Variants in ENTHD1 observed in about 807,000 individuals in gnomAD.
ENTHD1 encodes ENTH domain-containing protein 1.
Under a neutral mutation model 39.1 loss-of-function variants are expected in ENTHD1, and 23 were observed. That is an observed-to-expected ratio of 0.59 (90% CI 0.42 to 0.83). The LOEUF (loss-of-function observed/expected upper bound fraction) is 0.83, where lower values mean the gene tolerates loss of function less well. ENTHD1 is among the 40% of genes least tolerant of loss of function. ENTHD1 has a pLI of 0.00. For synonymous variants in ENTHD1, 230 were observed against 258.2 expected, an observed-to-expected ratio of 0.89 and a Z score of 1.05; for missense variants, 624 against 705.4, an observed-to-expected ratio of 0.88 and a Z score of 1.31.
At chr22:39,870,699 G>A (rs2066235026) in intron 2 of ENTHD1, among the ~76,000 whole-genome samples, 1 of 152,142 alleles carries the variant, frequency 6.6e-6, no homozygotes, top group South Asian at 2.1e-4. Flanking sequence ...AGCAAATGCT[G>A]ATTTCCCACT....
chr22:39,850,340 G>A (rs2066025041), intron 3 of ENTHD1, among the ~76,000 whole-genome samples: 1 of 152,058 alleles, frequency 6.6e-6, no homozygotes, highest in Non-Finnish European at 1.5e-5. Context: ...TGGCTTTAAA[G>A]TCTCCTTTGC....
At chr22:39,819,505 C>T (rs570385646) in intron 5 of ENTHD1, among the ~76,000 whole-genome samples, 1 of 151,768 alleles carries the variant, frequency 6.6e-6, no homozygotes, top group South Asian at 2.1e-4. Context: ...ATCATACATA[C>T]CATCTGATTC....
intron 2 of ENTHD1, among the ~76,000 whole-genome samples, chr22:39,883,003 C>CAAAAAAA (rs58964198): frequency 7.3e-4 from 35 of 48,226 alleles, no homozygotes; most frequent in Non-Finnish European, 1.0e-3. Flanking sequence ...GACTTCATCT[C>CAAAAAAA]AAAAAAAAAA....
chr22:39,828,684 A>T (rs1473681785), intron 4 of ENTHD1, among the ~76,000 whole-genome samples: 1 of 152,226 alleles, frequency 6.6e-6, no homozygotes, highest in Non-Finnish European at 1.5e-5. Flanking sequence ...GACCAAAAAC[A>T]TCACAACCTC....
intron 3 of ENTHD1, among the ~76,000 whole-genome samples, chr22:39,850,830 G>A (rs1276886645): frequency 3.3e-5 from 5 of 151,992 alleles, no homozygotes; most frequent in East Asian, 1.9e-4. Context: ...CTTACATACC[G>A]TGGCTACCCA....
At chr22:39,861,614 T>C in intron 3 of ENTHD1, 151 bp downstream of exon 3, 1 of 523,224 alleles carries the variant, frequency 1.9e-6, no homozygotes, top group Non-Finnish European at 2.9e-6. Flanking sequence ...TTGAATATTC[T>C]TCGTTGTTGT....
chr22:39,784,529 T>G (rs940989435), intron 5 of ENTHD1, among the ~76,000 whole-genome samples: 2 of 139,922 alleles, frequency 1.4e-5, no homozygotes, highest in African/African-American at 2.8e-5. Flanking sequence ...AAATGCGCTC[T>G]CTCTCTCTCT....
chr22:39,835,812 C>A, intron 4 of ENTHD1, 28 bp downstream of exon 4: 1 of 1,497,974 alleles, frequency 6.7e-7, no homozygotes, highest in Non-Finnish European at 9.2e-7. Flanking sequence ...TGATTTATTA[C>A]AGCAGCTATA....
chr22:39,776,105 G>A (rs2065363649), intron 5 of ENTHD1, among the ~76,000 whole-genome samples: 1 of 151,982 alleles, frequency 6.6e-6, no homozygotes, highest in Non-Finnish European at 1.5e-5. Context: ...TGTTGCCCAG[G>A]TAGTCTCGAA....
At chr22:39,866,908 C>CT (rs888883112) in intron 2 of ENTHD1, among the ~76,000 whole-genome samples, 1,994 of 147,968 alleles carry the variant, frequency 0.013, 16 homozygotes, top group Non-Finnish European at 0.017. Flanking sequence ...AATCTACATA[C>CT]TTTTTTTTTT....
At chr22:39,746,244 A>C (rs865872003) in intron 6 of ENTHD1, among the ~76,000 whole-genome samples, 16 of 152,140 alleles carry the variant, frequency 1.1e-4, no homozygotes, top group African/African-American at 3.9e-4. Context: ...GATTTTATCA[A>C]CTTTAGCTTC....
intron 4 of ENTHD1, among the ~76,000 whole-genome samples, chr22:39,830,955 C>T (rs1479593033): frequency 6.6e-6 from 1 of 152,190 alleles, no homozygotes; most frequent in African/African-American, 2.4e-5. Flanking sequence ...CCAAGATTAA[C>T]ATCTTCATGG....
Position 39,754,660 on chromosome 22 carries a change from CTCTT to C in ENTHD1, c.1220-10381_1220-10378del, listed in dbSNP as rs748942318. On this transcript the variant is annotated intron_variant, in intron 6 of 6. Coordinates refer to ENST00000325157, the MANE Select transcript of ENTHD1 (RefSeq NM_152512.4). ...TACAGGCCCTCCAGATGGGGTGAGT[CTCTT>C]TCTTTCTGGATTCTTGACTCTAGTT... Among the ~76,000 whole-genome samples, 29 of 152,276 alleles carry C rather than the reference CTCTT, an allele frequency of 1.9e-4. No homozygotes were observed. In the East Asian group the frequency reaches 4.8e-3, roughly 25 times the overall value.
chr22:39,855,058 C>G (rs2066074049), intron 3 of ENTHD1, among the ~76,000 whole-genome samples: 1 of 152,202 alleles, frequency 6.6e-6, no homozygotes, highest in Admixed American at 6.5e-5. Context: ...TTCCTCATTT[C>G]TATAACCCTA....
intron 2 of ENTHD1, chr22:39,874,217 A>G (rs571301137): frequency 6.6e-6 from 1 of 152,352 alleles, no homozygotes; most frequent in Admixed American, 6.5e-5. Context: ...ACGATGAGAT[A>G]TGGGTGGGGA....
chr22:39,774,788 C>T (rs2065354121), intron 5 of ENTHD1, among the ~76,000 whole-genome samples: 1 of 152,144 alleles, frequency 6.6e-6, no homozygotes, highest in Non-Finnish European at 1.5e-5. Flanking sequence ...ATTCTATGCT[C>T]CCTCTCAGCA....
Position 39,743,527 on chromosome 22 carries a change from T to C in ENTHD1, c.*152A>G, listed in dbSNP as rs1391802092. The C allele has an allele frequency of 2.4e-6, 2 of 839,046 alleles. No individual in the cohort carries two copies. Among genetic ancestry groups the C allele is most frequent in the African/African-American group, 1.7e-5 (1 of 57,584 alleles). 52.0% of individuals were successfully genotyped at this position (839,046 alleles called of 1,614,324 possible). ...AAAAAATAAACCACCCAAATGAAAG[T>C]ATTAGTTTGAAAGATACTTGCTAAT... On this transcript the variant is annotated 3_prime_UTR_variant, in exon 7 of 7. Transcript: ENST00000325157.
At chr22:39,765,701 T>A (rs890333578) in intron 5 of ENTHD1, 92 bp from the exon 6 acceptor site, 56 of 1,247,918 alleles carry the variant, frequency 4.5e-5, no homozygotes, top group Non-Finnish European at 5.0e-5. Flanking sequence ...TAGGATTTTT[T>A]AATGTCATAA....
chr22:39,811,722 G>A lies in ENTHD1; in HGVS notation c.832+9271C>T, dbSNP rs75153713. 3.3e-5 allele frequency among the ~76,000 whole-genome samples: 5 copies of A among 152,272 alleles called. 1 individual carries two copies. The highest frequency in any genetic ancestry group is 9.6e-5 in the African/African-American group (4 of 41,562). ...GGGCTGGGTGTGATGGCTCACGCCT[G>A]TAATCCCAGCACTTTGGGAGGCTGA... is the stretch of plus-strand genomic sequence containing the variant. On this transcript the variant is annotated intron_variant, in intron 5 of 6. Transcript: ENST00000325157.
Sources: gnomAD v4.1 joint callset for allele counts (sites outside exome capture counted in the v4.1 genomes callset) on GRCh38, gnomAD v4.1.1 for gene constraint, MANE v1.5 for transcripts, NCBI Gene and HGNC (gene_info 2026-07-23, HGNC 2026-07-21) for gene names.